The following TNR variants were observed in gnomAD, a reference collection of about 807,000 sequenced individuals.
The protein encoded by TNR is tenascin R, also known as tenascin-R.
TNR carries 45 observed loss-of-function variants against 150.4 expected under a neutral mutation model. The observed-to-expected ratio is 0.30, with a 90% CI of 0.24 to 0.38. The LOEUF is 0.38. Among genes scored for constraint, TNR ranks in the 10% least tolerant of loss-of-function variants. The pLI, the probability that TNR is intolerant of heterozygous loss-of-function variation, is 1.00. For missense variants in TNR, 1,544 were observed against 1,759.1 expected (o/e 0.88, Z 2.19); for synonymous variants, 687 against 678.4 (o/e 1.01, Z -0.20).
At chr1:175,364,128 G>C (rs1329179377) in intron 12 of TNR, among the ~76,000 whole-genome samples, 3 of 152,026 alleles carry the variant, frequency 2.0e-5, no homozygotes, top group Non-Finnish European at 2.9e-5. Context: ...CATATGTTTT[G>C]TTTTGAATTG....
intron 2 of TNR, among the ~76,000 whole-genome samples, chr1:175,525,843 T>C (rs1436130092): frequency 1.3e-5 from 2 of 152,238 alleles, no homozygotes; most frequent in African/African-American, 4.8e-5. Flanking sequence ...TGACCACCCA[T>C]ATACAGAAGG....
In TNR at chr1:175,672,111, T is replaced by C. The variant is rs184126153; in HGVS notation, c.-165+71115A>G. Reference sequence around the variant, plus strand: ...ACAAGCAGAATGACTTTGAACAAGTTACTTATCTCTCCGTCTCAATTTCCT... The same window carrying C: ...ACAAGCAGAATGACTTTGAACAAGTCACTTATCTCTCCGTCTCAATTTCCT... On this transcript the variant is annotated intron_variant, in intron 1 of 22. Transcript: ENST00000367674. Among the ~76,000 whole-genome samples, 475 of 152,318 alleles carry C rather than the reference T, an allele frequency of 3.1e-3. 1 individual carries two copies. The highest frequency in any genetic ancestry group is 0.011 in the African/African-American group (449 of 41,562).
rs114765394 is a variant in TNR at position 175,545,189 on chromosome 1, T to C, written c.-164-16820A>G. On this transcript the variant is annotated intron_variant, in intron 1 of 22. Transcript: ENST00000367674. ...GAATAATGCCTCAGAAAAGAAAACA[T>C]TTTGAGAACAAGTGAGTGTTCAATA... 3.7e-3 allele frequency among the ~76,000 whole-genome samples: 556 copies of C among 152,286 alleles called. 5 individuals are homozygous for C. The highest frequency in any genetic ancestry group is 0.012 in the African/African-American group (501 of 41,550).
intron 1 of TNR, among the ~76,000 whole-genome samples, chr1:175,591,372 T>C (rs932302486): frequency 1.3e-5 from 2 of 152,200 alleles, no homozygotes; most frequent in Non-Finnish European, 2.9e-5. Context: ...GTGGGATTAA[T>C]AAGCCCTTGA....
chr1:175,554,078 T>C (rs1254792295), intron 1 of TNR, among the ~76,000 whole-genome samples: 2 of 152,224 alleles, frequency 1.3e-5, no homozygotes, highest in Admixed American at 6.5e-5. Context: ...ACCCAGTGAC[T>C]TGGCATTTTC....
intron 18 of TNR, among the ~76,000 whole-genome samples, chr1:175,339,270 G>A (rs757329381): frequency 2.2e-4 from 33 of 152,146 alleles, no homozygotes; most frequent in Non-Finnish European, 4.3e-4. Context: ...TATGCATACA[G>A]CAAAGGATTA....
intron 2 of TNR, among the ~76,000 whole-genome samples, chr1:175,447,891 T>C (rs971063401): frequency 6.6e-6 from 1 of 152,218 alleles, no homozygotes. Context: ...GAGGTTGTTA[T>C]GAGGATTTAA....
chr1:175,693,516 T>C (rs1416485629), intron 1 of TNR, among the ~76,000 whole-genome samples: 1 of 152,204 alleles, frequency 6.6e-6, no homozygotes, highest in Non-Finnish European at 1.5e-5. Context: ...GAGACTTTGA[T>C]GATTAATTTC....
chr1:175,530,378 G>A (rs1245075770), intron 1 of TNR, among the ~76,000 whole-genome samples: 1 of 152,190 alleles, frequency 6.6e-6, no homozygotes, highest in Non-Finnish European at 1.5e-5. Flanking sequence ...CCCAGGGAGA[G>A]GATGGGCAAA....
At chr1:175,605,910 G>A (rs1038130176) in intron 1 of TNR, among the ~76,000 whole-genome samples, 5 of 152,168 alleles carry the variant, frequency 3.3e-5, no homozygotes, top group African/African-American at 1.2e-4. Flanking sequence ...TGTTTGGTCT[G>A]TCTATCTATC....
At chr1:175,420,152 T>G (rs1421752947) in intron 2 of TNR, among the ~76,000 whole-genome samples, 1 of 152,072 alleles carries the variant, frequency 6.6e-6, no homozygotes, top group Admixed American at 6.5e-5. Context: ...CACCCACATC[T>G]CTCACCTCTT....
intron 1 of TNR, among the ~76,000 whole-genome samples, chr1:175,660,707 A>G (rs1387233181): frequency 1.3e-5 from 2 of 152,232 alleles, no homozygotes; most frequent in African/African-American, 4.8e-5. Context: ...CCCAGAGACC[A>G]CAGCTCCTTG....
intron 13 of TNR, among the ~76,000 whole-genome samples, chr1:175,363,081 C>A (rs1651676861): frequency 6.6e-6 from 1 of 152,248 alleles, no homozygotes; most frequent in Non-Finnish European, 1.5e-5. Flanking sequence ...AAGACAATGA[C>A]ATTAAGGCAG....
chr1:175,575,214 G>A (rs1238005632), intron 1 of TNR, among the ~76,000 whole-genome samples: 1 of 152,186 alleles, frequency 6.6e-6, no homozygotes, highest in African/African-American at 2.4e-5. Context: ...AACAGCCTGG[G>A]TCCCTGAGAA....
intron 2 of TNR, among the ~76,000 whole-genome samples, chr1:175,443,996 G>A (rs192382296): frequency 2.6e-5 from 4 of 152,282 alleles, no homozygotes. Context: ...ATAAAACTGT[G>A]TTTATGGGAG....
At chr1:175,586,274 C>A (rs1448571834) in intron 1 of TNR, among the ~76,000 whole-genome samples, 1 of 152,174 alleles carries the variant, frequency 6.6e-6, no homozygotes, top group Non-Finnish European at 1.5e-5. Context: ...GTGCTCCAAA[C>A]ATAGCTTTAG....
At chr1:175,661,031 C>G (rs1161902241) in intron 1 of TNR, among the ~76,000 whole-genome samples, 1 of 152,216 alleles carries the variant, frequency 6.6e-6, no homozygotes, top group Non-Finnish European at 1.5e-5. Flanking sequence ...TATCATGATG[C>G]TCAGAGTTCT....
chr1:175,425,153 C>G (rs1382521162), intron 2 of TNR, among the ~76,000 whole-genome samples: 21 of 152,120 alleles, frequency 1.4e-4, no homozygotes. Context: ...AAGACTGTGC[C>G]ATAGGTGTGG....
chr1:175,351,104 C>T (rs1255274530), intron 18 of TNR, among the ~76,000 whole-genome samples: 1 of 152,218 alleles, frequency 6.6e-6, no homozygotes, highest in African/African-American at 2.4e-5. Flanking sequence ...ACTTCTTGCT[C>T]AGCAAGAGTA....
Sources: gnomAD v4.1 joint callset for allele counts (sites outside exome capture counted in the v4.1 genomes callset) on GRCh38, gnomAD v4.1.1 for gene constraint, MANE v1.5 for transcripts, NCBI Gene and HGNC (gene_info 2026-07-23, HGNC 2026-07-21) for gene names.